The following ADAMTS2 variants were observed in gnomAD, a reference collection of about 807,000 sequenced individuals.
ADAMTS2 encodes the protein ADAM metallopeptidase with thrombospondin type 1 motif 2.
In ADAMTS2, 50 loss-of-function variants were observed where a neutral mutation model predicts 123.0. That is an observed-to-expected ratio of 0.41 (90% confidence interval 0.32 to 0.51). The LOEUF is 0.51. Ranked by LOEUF, ADAMTS2 falls within the 20% of genes least tolerant of loss-of-function variation. The pLI is 0.35. For missense variants in ADAMTS2, 1,494 were observed against 1,705.2 expected, an observed-to-expected ratio of 0.88 and a Z score of 2.18; for synonymous variants, 678 against 695.4, an observed-to-expected ratio of 0.98 and a Z score of 0.39.
chr5:179,344,303 T>A (rs1347196797), intron 1 of ADAMTS2, 142 bp from the exon 2 acceptor site: 1 of 1,132,424 alleles, frequency 8.8e-7, no homozygotes. Flanking sequence ...GAAGCCAGCC[T>A]GCACCTCCCC....
intron 3 of ADAMTS2, among the ~76,000 whole-genome samples, chr5:179,250,170 C>A (rs1765885722): frequency 6.6e-6 from 1 of 152,128 alleles, no homozygotes; most frequent in Admixed American, 6.5e-5. Context: ...ACTCAAGAAA[C>A]AAGGACTAGA....
chr5:179,221,484 T>C (rs925871762), intron 3 of ADAMTS2, among the ~76,000 whole-genome samples: 2 of 152,130 alleles, frequency 1.3e-5, no homozygotes, highest in Non-Finnish European at 2.9e-5. Context: ...GCACAGTCCA[T>C]GTCTGACCAG....
rs79875370 is a variant in ADAMTS2 at position 179,286,892 on chromosome 5, T to C, written c.535-13828A>G. 8.6e-3 allele frequency among the ~76,000 whole-genome samples: 1,304 copies of C among 152,318 alleles called. 76 individuals carry two copies. The East Asian group carries it at 0.14, about 16-fold the overall frequency. ...ATGGCCGTCCCCCTGTGTGTACTTC[T>C]GTCCTAATCGCTTCTTCTTAGGACA... On this transcript the variant is annotated intron_variant, in intron 2 of 21. Transcript: ENST00000251582.
rs143770049 is a variant in ADAMTS2, at chr5:179,129,937, C to T, written c.2452G>A (p.Val818Ile). The T allele has an allele frequency of 3.2e-5, 51 of 1,613,886 alleles. No individual in the cohort carries two copies. Among genetic ancestry groups the T allele is most frequent in the Middle Eastern group, 3.3e-4 (2 of 6,054 alleles). ...CCAGCCCTGCTTGGACTCACCAGAA[C>T]GGTGATGGTGCCGTGGAGGGGGCCC... Reference protein sequence around the residue: ...TMGPLHGTITVLVIPVGDTRV... With the variant: ...TMGPLHGTITILVIPVGDTRV... Residue 818 changes from valine (V) to isoleucine (I), a missense_variant, in exon 16 of 22, where the codon GTT becomes ATT. Val to Ile is a conservative substitution (Grantham distance 29, BLOSUM62 3). Around this residue, in one of 6 missense-constraint regions of ADAMTS2, gnomAD observed 953 missense variants for 1,124.7 expected, o/e 0.85. Transcript: ENST00000251582. The surrounding 1 kb of genome is among the most constrained non-coding windows in gnomAD (Gnocchi z 4.1).
intron 2 of ADAMTS2, among the ~76,000 whole-genome samples, chr5:179,288,260 T>A (rs1345657056): frequency 6.6e-6 from 1 of 152,162 alleles, no homozygotes; most frequent in Non-Finnish European, 1.5e-5. Context: ...CACTGTGCTA[T>A]CCAGGGCACG....
chr5:179,335,248 A>T (rs1212118654), intron 2 of ADAMTS2, among the ~76,000 whole-genome samples: 1 of 152,230 alleles, frequency 6.6e-6, no homozygotes, highest in Non-Finnish European at 1.5e-5. Context: ...TAATTTCAGA[A>T]ATATATTTTA....
intron 2 of ADAMTS2, among the ~76,000 whole-genome samples, chr5:179,280,032 C>T (rs1434156235): frequency 6.6e-6 from 1 of 152,196 alleles, no homozygotes; most frequent in Non-Finnish European, 1.5e-5. Flanking sequence ...TGTCTTGGAG[C>T]TATGGCTGGA....
intron 2 of ADAMTS2, among the ~76,000 whole-genome samples, chr5:179,330,132 CA>C (rs58696442): frequency 0.23 from 22,219 of 96,598 alleles, 1,671 homozygotes; most frequent in South Asian, 0.39. Flanking sequence ...GACTCCGTCT[CA>C]AAAAAAAAAA....
intron 6 of ADAMTS2, among the ~76,000 whole-genome samples, chr5:179,156,961 C>CTTTTT (rs70997667): frequency 9.2e-5 from 10 of 108,338 alleles, no homozygotes; most frequent in South Asian, 3.2e-4. Context: ...TTCATTTTTT[C>CTTTTT]TTTTTTTTTT....
At chr5:179,126,402 C>T (rs1202424382) in intron 17 of ADAMTS2, among the ~76,000 whole-genome samples, 2 of 152,210 alleles carry the variant, frequency 1.3e-5, no homozygotes, top group African/African-American at 2.4e-5. Context: ...GCCCTATTTC[C>T]TTGCTACTGC....
At chr5:179,261,513 G>A (rs374434411) in intron 3 of ADAMTS2, among the ~76,000 whole-genome samples, 7 of 152,226 alleles carry the variant, frequency 4.6e-5, no homozygotes, top group South Asian at 4.1e-4. Flanking sequence ...GGCTCAGGCC[G>A]CCATCTGCCG....
At chr5:179,150,376 A>G (rs1239905952) in intron 10 of ADAMTS2, among the ~76,000 whole-genome samples, 1 of 152,206 alleles carries the variant, frequency 6.6e-6, no homozygotes, top group East Asian at 1.9e-4. Context: ...CCAGCAACTT[A>G]CCAACAACTC....
chr5:179,291,910 A>G (rs457212), intron 2 of ADAMTS2, among the ~76,000 whole-genome samples: 44,005 of 150,746 alleles, frequency 0.29, 7,293 homozygotes, highest in South Asian at 0.38. Flanking sequence ...CTAATTTAAA[A>G]AAAAAAAAAA....
chr5:179,225,370 T>C lies in ADAMTS2; in HGVS notation c.689-17655A>G, dbSNP rs957935173. ...AGAAGGGCATGCTCCCTTTAAATGA[T>C]ATGGAAGCAGGGAAGTGCATGGTCC... is the stretch of plus-strand genomic sequence containing the variant. On this transcript the variant is annotated intron_variant, in intron 3 of 21. Coordinates refer to ENST00000251582, the MANE Select transcript of ADAMTS2 (RefSeq NM_014244.5). This position sits in a 1 kb window ranked among gnomAD's most constrained non-coding sequence, Gnocchi z 4.5. 1.3e-5 allele frequency among the ~76,000 whole-genome samples: 2 copies of C among 152,092 alleles called. No individual in the cohort carries two copies. Among genetic ancestry groups the C allele is most frequent in the African/African-American group, 4.8e-5 (2 of 41,400 alleles).
chr5:179,249,532 G>A (rs188378523), intron 3 of ADAMTS2, among the ~76,000 whole-genome samples: 1 of 151,912 alleles, frequency 6.6e-6, no homozygotes, highest in Non-Finnish European at 1.5e-5. Flanking sequence ...AAGAGAGAAG[G>A]CTCCAATTAC....
At position 179,189,513 on chromosome 5, in the gene ADAMTS2, T is replaced by TG. The variant is rs1764253404; in HGVS notation, c.892-8359_892-8358insC. 7.7e-6 allele frequency among the ~76,000 whole-genome samples: 1 copy of TG among 130,590 alleles called. No homozygotes were observed. The highest frequency in any genetic ancestry group is 7.5e-5 in the Admixed American group (1 of 13,420). The allele number at this position is 130,590 out of a possible 152,430, so 85.7% of individuals were successfully genotyped here. On this transcript the variant is annotated intron_variant, in intron 4 of 21. Coordinates refer to ENST00000251582, the MANE Select transcript of ADAMTS2 (RefSeq NM_014244.5). The surrounding 1 kb of genome is among the most constrained non-coding windows in gnomAD (Gnocchi z 4.2). ...CAGGCGCCCGCCAGTGCGCCTGGTT[T>TG]TTTTTTTTTTTTTTTTTTTTTTTTT...
chr5:179,204,674 G>A (rs1443109143), intron 4 of ADAMTS2, among the ~76,000 whole-genome samples: 1 of 152,244 alleles, frequency 6.6e-6, no homozygotes, highest in Non-Finnish European at 1.5e-5. Context: ...CAGTGAGGAC[G>A]CAGGGCATTC....
intron 5 of ADAMTS2, among the ~76,000 whole-genome samples, chr5:179,168,560 A>C (rs1278026586): frequency 2.6e-5 from 4 of 152,176 alleles, no homozygotes; most frequent in Non-Finnish European, 5.9e-5. Flanking sequence ...GTCCCAGAAG[A>C]AGCTCTACAA....
chr5:179,292,035 C>T (rs1481931059), intron 2 of ADAMTS2, among the ~76,000 whole-genome samples: 2 of 152,066 alleles, frequency 1.3e-5, no homozygotes, highest in Non-Finnish European at 2.9e-5. Context: ...TGAGCCACCA[C>T]ACCTGGCCCA....
Sources: gnomAD v4.1 joint callset for allele counts (sites outside exome capture counted in the v4.1 genomes callset) on GRCh38, gnomAD v4.1.1 for gene constraint, gnomAD v4.1.1 regional missense constraint, Gnocchi (gnomAD v3.1) non-coding constraint, MANE v1.5 for transcripts, NCBI Gene and HGNC (gene_info 2026-07-23, HGNC 2026-07-21) for gene names.